Variants in GLT8D2 observed in about 807,000 individuals in gnomAD.
GLT8D2 encodes the protein glycosyltransferase 8 domain containing 2.
In GLT8D2, 45 loss-of-function variants were observed where a neutral mutation model predicts 44.5. The observed-to-expected ratio is 1.01, with a 90% CI of 0.80 to 1.30. The LOEUF is 1.30. GLT8D2 is among the 50% of genes most tolerant of loss of function. GLT8D2 has a pLI of 0.00. For synonymous variants in GLT8D2, 156 were observed against 157.2 expected (o/e 0.99, Z 0.06); for missense variants, 400 against 430.4 (o/e 0.93, Z 0.62).
intron 3 of GLT8D2, among the ~76,000 whole-genome samples, chr12:104,016,585 G>A (rs563572705): frequency 1.1e-4 from 17 of 150,852 alleles, no homozygotes; most frequent in African/African-American, 3.7e-4. Flanking sequence ...AGTGAGCCGA[G>A]ATCATGCCAC....
At chr12:104,047,925 A>G (rs993841794) in intron 1 of GLT8D2, among the ~76,000 whole-genome samples, 4 of 152,342 alleles carry the variant, frequency 2.6e-5, no homozygotes, top group African/African-American at 9.6e-5. Context: ...TTGTAAATAA[A>G]GTTTTGTTAG....
chr12:104,016,821 GAAAGAAA>G, intron 3 of GLT8D2, among the ~76,000 whole-genome samples: 1 of 75,496 alleles, frequency 1.3e-5, no homozygotes, highest in African/African-American at 5.4e-5. Flanking sequence ...GAAAGAAAGA[GAAAGAAA>G]AGAAAGAAAG....
chr12:104,015,184 A>T, intron 3 of GLT8D2, 79 bp from the exon 4 acceptor site: 1 of 996,314 alleles, frequency 1.0e-6, no homozygotes, highest in Non-Finnish European at 1.6e-6. Flanking sequence ...TGGTAGTGCG[A>T]GTAGGTGCCT....
At chr12:103,990,750 G>A (rs1872654318) in intron 10 of GLT8D2, among the ~76,000 whole-genome samples, 1 of 152,076 alleles carries the variant, frequency 6.6e-6, no homozygotes, top group Non-Finnish European at 1.5e-5. Context: ...AGCATAACTG[G>A]AATAATTATC....
intron 1 of GLT8D2, among the ~76,000 whole-genome samples, chr12:104,032,623 ATC>A (rs1288251093): frequency 5.9e-5 from 9 of 152,190 alleles, no homozygotes; most frequent in African/African-American, 1.9e-4. Flanking sequence ...ATCACTTCAC[ATC>A]TGTTAGAATG....
intron 1 of GLT8D2, among the ~76,000 whole-genome samples, chr12:104,045,922 A>AGAAAGAAG (rs1881055604): frequency 6.7e-6 from 1 of 149,134 alleles, no homozygotes; most frequent in African/African-American, 2.5e-5. Context: ...AAAGAAAGAA[A>AGAAAGAAG]GAAAGAAAGA....
At chr12:104,031,124 A>T (rs1426836788) in intron 1 of GLT8D2, 43 of 898,934 alleles carry the variant, frequency 4.8e-5, no homozygotes, top group Non-Finnish European at 6.8e-5. Context: ...GAAGATCTGG[A>T]GGCGCTCCTA....
intron 4 of GLT8D2, among the ~76,000 whole-genome samples, chr12:104,010,814 G>T (rs1875739237): frequency 6.6e-6 from 1 of 152,190 alleles, no homozygotes; most frequent in South Asian, 2.1e-4. Flanking sequence ...TTGCTGGAAT[G>T]AACTAAATGG....
intron 1 of GLT8D2, chr12:104,031,247 A>C: frequency 1.2e-6 from 2 of 1,610,498 alleles, no homozygotes; most frequent in South Asian, 2.2e-5. Context: ...TGAGAGTCTG[A>C]AGGATACTAT....
Position 104,016,766 on chromosome 12 carries a change from AGAAAGAAAGAAGGAAG to A in GLT8D2, c.20-1677_20-1662del, listed in dbSNP as rs1392348842. The stretch of plus-strand genomic sequence containing the variant: ...AAGAAAGAAAGAAAGAAAGAAAGAA[AGAAAGAAAGAAGGAAG>A]GAAGGAAGGAAGGAAGGAAGGAAGG... On this transcript the variant is annotated intron_variant, in intron 3 of 10. Coordinates refer to ENST00000360814, the MANE Select transcript of GLT8D2 (RefSeq NM_001384711.1). 4.0e-3 allele frequency among the ~76,000 whole-genome samples: 327 copies of A among 80,872 alleles called. 4 individuals are homozygous for A. Among genetic ancestry groups the A allele is most frequent in the Middle Eastern group, 6.0e-3 (1 of 168 alleles). 53.1% of individuals were successfully genotyped at this position (80,872 alleles called of 152,430 possible). A position where few individuals can be genotyped will look rare whatever the true frequency, so the allele number is the denominator to read the frequency against.
chr12:103,999,918 C>T (rs1021970560), intron 5 of GLT8D2, among the ~76,000 whole-genome samples: 9 of 152,162 alleles, frequency 5.9e-5, no homozygotes, highest in African/African-American at 1.7e-4. Context: ...CAGCTTTGAT[C>T]GAAGTCATTT....
chr12:104,055,238 C>T (rs1351222253), intron 1 of GLT8D2, among the ~76,000 whole-genome samples: 2 of 152,202 alleles, frequency 1.3e-5, no homozygotes, highest in African/African-American at 4.8e-5. Flanking sequence ...TAGTGTCTCC[C>T]ATTGACCAAA....
upstream of GLT8D2, among the ~76,000 whole-genome samples, chr12:104,052,216 T>C (rs1881786857): frequency 6.6e-6 from 1 of 152,216 alleles, no homozygotes; most frequent in South Asian, 2.1e-4. Flanking sequence ...TATTGAGCAG[T>C]TCCATTCTAA....
chr12:104,062,014 A>G (rs1483791301), intron 1 of GLT8D2, among the ~76,000 whole-genome samples: 1 of 150,698 alleles, frequency 6.6e-6, no homozygotes, highest in Non-Finnish European at 1.5e-5. Context: ...ACTCAGTGAG[A>G]GGGAGAATTT....
intron 1 of GLT8D2, among the ~76,000 whole-genome samples, chr12:104,040,151 G>T (rs979331951): frequency 4.6e-5 from 7 of 152,202 alleles, no homozygotes; most frequent in African/African-American, 1.7e-4. Flanking sequence ...CTGTCATGGG[G>T]TGGGAGCAGG....
intron 1 of GLT8D2, among the ~76,000 whole-genome samples, chr12:104,021,956 GGAA>G (rs372176260): frequency 0.47 from 11,859 of 25,502 alleles, 2,620 homozygotes; most frequent in East Asian, 0.79. Context: ...AAGAAGAAGA[GGAA>G]GAAGAGGAAG....
At chr12:104,031,635 A>T in intron 1 of GLT8D2, 1 of 1,219,940 alleles carries the variant, frequency 8.2e-7, no homozygotes, top group Non-Finnish European at 1.2e-6. Flanking sequence ...CACTGACCAC[A>T]TCTGTAGACA....
chr12:104,010,635 T>C (rs940076407), intron 4 of GLT8D2, among the ~76,000 whole-genome samples: 2 of 152,198 alleles, frequency 1.3e-5, no homozygotes, highest in Non-Finnish European at 1.5e-5. Flanking sequence ...TGGCACATAG[T>C]AGATTTTCAA....
intron 3 of GLT8D2, 110 bp downstream of exon 3, chr12:104,019,520 C>A: frequency 1.2e-6 from 1 of 835,042 alleles, no homozygotes; most frequent in Non-Finnish European, 1.9e-6. Context: ...GAAAACTATC[C>A]ATGAAAATCA....
Sources: allele counts gnomAD v4.1 joint callset (sites outside exome capture counted in the v4.1 genomes callset), GRCh38; gene constraint gnomAD v4.1.1; transcripts MANE v1.5; gene names NCBI Gene and HGNC (gene_info 2026-07-23, HGNC 2026-07-21).